The following MAP2K5 variants were observed in gnomAD, a reference collection of about 807,000 sequenced individuals.
The protein encoded by MAP2K5 is dual specificity mitogen-activated protein kinase kinase 5.
A neutral mutation model predicts 83.1 loss-of-function variants in MAP2K5; 49 were observed. The ratio of observed to expected loss-of-function variants is 0.59; its 90% CI spans 0.47 to 0.75. MAP2K5 has a LOEUF of 0.75. Ranked by LOEUF, MAP2K5 falls within the 30% of genes least tolerant of loss-of-function variation. MAP2K5 has a pLI of 0.00. For synonymous variants in MAP2K5, 202 were observed against 191.8 expected, an observed-to-expected ratio of 1.05 and a Z score of -0.44; for missense variants, 457 against 557.5, an observed-to-expected ratio of 0.82 and a Z score of 1.82.
At chr15:67,670,787 G>C (rs1178143993) in intron 13 of MAP2K5, among the ~76,000 whole-genome samples, 3 of 152,000 alleles carry the variant, frequency 2.0e-5, no homozygotes, top group Non-Finnish European at 4.4e-5. Context: ...GAGAGAGACA[G>C]GGTCAGGGAA....
At chr15:67,602,414 C>A (rs546764207) in intron 8 of MAP2K5, among the ~76,000 whole-genome samples, 1 of 152,204 alleles carries the variant, frequency 6.6e-6, no homozygotes, top group Admixed American at 6.5e-5. Context: ...TCTTTGTATT[C>A]CTTTTATTTG....
chr15:67,645,015 G>A lies in MAP2K5; in HGVS notation c.586-1216G>A, dbSNP rs532042913. On this transcript the variant is annotated intron_variant, in intron 9 of 21. Transcript: ENST00000178640. ...ATACAAAAATTAGCCAGGTGTGGTG[G>A]CAGACACCTGTAATCCCAGCTACTC... is the stretch of plus-strand genomic sequence containing the variant. Among the ~76,000 whole-genome samples the A allele has an allele frequency of 1.6e-4, 24 of 151,782 alleles. No homozygotes were observed. The South Asian group carries it at 5.0e-3, about 32-fold the overall frequency.
At chr15:67,721,186 TG>T (rs1423436040) in intron 16 of MAP2K5, among the ~76,000 whole-genome samples, 1 of 152,182 alleles carries the variant, frequency 6.6e-6, no homozygotes, top group Non-Finnish European at 1.5e-5. Flanking sequence ...TGTGCAGGTT[TG>T]TTAAGAAGTA....
In MAP2K5 at chr15:67,559,175, A is replaced by T. The variant is rs1294824474; in HGVS notation, c.185-4108A>T. Among the ~76,000 whole-genome samples, 1 of 152,204 alleles carries T rather than the reference A, an allele frequency of 6.6e-6. No homozygotes were observed. The highest frequency in any genetic ancestry group is 6.5e-5 in the Admixed American group (1 of 15,286). ...TTCATTTCTTTTCTCTTACCTGGGA[A>T]AAGTGCCTTTGCAGTAGTTCTAATT... On this transcript the variant is annotated intron_variant, in intron 2 of 21. Transcript: ENST00000178640. The surrounding 1 kb of genome is among the most constrained non-coding windows in gnomAD (Gnocchi z 4.7).
At position 67,779,905 on chromosome 15, in the gene MAP2K5, C is replaced by T. The variant is rs2090300676; in HGVS notation, c.1242+7153C>T. Among the ~76,000 whole-genome samples, 1 of 152,158 alleles carries T rather than the reference C, an allele frequency of 6.6e-6. No homozygotes were observed. The highest frequency in any genetic ancestry group is 2.1e-4 in the South Asian group (1 of 4,830). ...AGGTGGGTCTTTAAAGTATGTTACA[C>T]TTTAGTTCCTCATTGGCCATGACTC... On this transcript the variant is annotated intron_variant, in intron 21 of 21. Coordinates refer to ENST00000178640, the MANE Select transcript of MAP2K5 (RefSeq NM_145160.3). The surrounding 1 kb of genome is among the most constrained non-coding windows in gnomAD (Gnocchi z 4.6).
In MAP2K5 at chr15:67,750,682, C is replaced by G. The variant is rs1178914645; in HGVS notation, c.1134+2081C>G. On this transcript the variant is annotated intron_variant, in intron 19 of 21. Coordinates refer to ENST00000178640, the MANE Select transcript of MAP2K5 (RefSeq NM_145160.3). The surrounding 1 kb of genome is among the most constrained non-coding windows in gnomAD (Gnocchi z 4.2). ...CATTATAAGTTTGAAAACCACTTCTCAAACTTCCCTAACTGCTTGCCAGGG... is the reference window on the plus strand; with the variant it reads ...CATTATAAGTTTGAAAACCACTTCTGAAACTTCCCTAACTGCTTGCCAGGG... Among the ~76,000 whole-genome samples the G allele has an allele frequency of 6.6e-6, 1 of 152,202 alleles. No individual in the cohort carries two copies. Among genetic ancestry groups the G allele is most frequent in the Non-Finnish European group, 1.5e-5 (1 of 68,038 alleles).
At chr15:67,751,132 A>C (rs138812764) in intron 19 of MAP2K5, among the ~76,000 whole-genome samples, 2 of 152,170 alleles carry the variant, frequency 1.3e-5, no homozygotes, top group East Asian at 3.9e-4. Flanking sequence ...TCTGGGAGTC[A>C]GGAGGTGGAA....
intron 17 of MAP2K5, among the ~76,000 whole-genome samples, chr15:67,743,958 T>C (rs2089549388): frequency 6.6e-6 from 1 of 152,198 alleles, no homozygotes; most frequent in Non-Finnish European, 1.5e-5. Flanking sequence ...CCAAAGTTCA[T>C]GCGTTTTCCT....
At chr15:67,549,226 T>C in intron 1 of MAP2K5, 5 of 1,511,152 alleles carry the variant, frequency 3.3e-6, no homozygotes, top group Non-Finnish European at 4.4e-6. Context: ...TCTATGCTTA[T>C]TCAATTAAGC....
Position 67,714,779 on chromosome 15 carries a change from T to C in MAP2K5, c.1044+11371T>C, listed in dbSNP as rs189757173. On this transcript the variant is annotated intron_variant, in intron 16 of 21. Transcript: ENST00000178640. Reference sequence around the variant, plus strand: ...AATTTTTTGAGCACTAACTTGAACCTCAAAGGTCACACTAATGGGAGCATT... The same window carrying C: ...AATTTTTTGAGCACTAACTTGAACCCCAAAGGTCACACTAATGGGAGCATT... Among the ~76,000 whole-genome samples, 43 of 152,308 alleles carry C rather than the reference T, an allele frequency of 2.8e-4. 1 individual carries two copies. Among genetic ancestry groups the C allele is most frequent in the Admixed American group, 1.0e-3 (16 of 15,296 alleles).
chr15:67,753,442 G>C (rs2089766067), intron 19 of MAP2K5, among the ~76,000 whole-genome samples: 1 of 152,130 alleles, frequency 6.6e-6, no homozygotes, highest in Non-Finnish European at 1.5e-5. Flanking sequence ...TCATATATCT[G>C]ATAAAGTCCT....
rs2088895329 is a variant in MAP2K5, at chr15:67,719,099, C to T, written c.1045-8817C>T. ...TGGTAACCATCATTCTACTGTCTAT[C>T]TCCATGAGTTCAATTCATTTAATTC... On this transcript the variant is annotated intron_variant, in intron 16 of 21. Transcript: ENST00000178640. The surrounding 1 kb of genome is among the most constrained non-coding windows in gnomAD (Gnocchi z 4.6). 6.6e-6 allele frequency among the ~76,000 whole-genome samples: 1 copy of T among 152,148 alleles called. No individual in the cohort carries two copies.
intron 3 of MAP2K5, among the ~76,000 whole-genome samples, chr15:67,568,149 T>C (rs2084879680): frequency 6.6e-6 from 1 of 152,172 alleles, no homozygotes; most frequent in African/African-American, 2.4e-5. Flanking sequence ...TTTTCCCACA[T>C]TGCCAGGAGA....
chr15:67,709,310 A>G (rs527856463), intron 16 of MAP2K5, among the ~76,000 whole-genome samples: 1 of 152,340 alleles, frequency 6.6e-6, no homozygotes, highest in South Asian at 2.1e-4. Context: ...AATAAAAAAG[A>G]AGTGAGACCC....
chr15:67,767,503 AGCTTC>A (rs1402536485), intron 19 of MAP2K5, among the ~76,000 whole-genome samples: 4 of 152,220 alleles, frequency 2.6e-5, no homozygotes, highest in Non-Finnish European at 4.4e-5. Flanking sequence ...GACTTAGAGA[AGCTTC>A]CTCACTGATC....
intron 2 of MAP2K5, among the ~76,000 whole-genome samples, chr15:67,553,917 C>T (rs2084566894): frequency 4.7e-5 from 1 of 21,130 alleles, no homozygotes; most frequent in African/African-American, 1.9e-4. Context: ...GAGACTCCAT[C>T]TCAAAAAAAA....
intron 13 of MAP2K5, among the ~76,000 whole-genome samples, chr15:67,669,024 C>T (rs2087458086): frequency 6.6e-6 from 1 of 152,232 alleles, no homozygotes; most frequent in East Asian, 1.9e-4. Context: ...ATTTTATTTT[C>T]TACCCTTGGC....
Position 67,768,020 on chromosome 15 carries a change from G to T in MAP2K5, c.1135-1582G>T, listed in dbSNP as rs1418842790. On this transcript the variant is annotated intron_variant, in intron 19 of 21. Transcript: ENST00000178640. This position sits in a 1 kb window ranked among gnomAD's most constrained non-coding sequence, Gnocchi z 4.0. Reference sequence around the variant, plus strand: ...ATATGCAAAAACCAAGAAACATTTTGTTCATGTTTCTTTTCTTGTAGCCTC... The same window carrying T: ...ATATGCAAAAACCAAGAAACATTTTTTTCATGTTTCTTTTCTTGTAGCCTC... Among the ~76,000 whole-genome samples, 1 of 152,052 alleles carries T rather than the reference G, an allele frequency of 6.6e-6. No individual in the cohort carries two copies. Among genetic ancestry groups the T allele is most frequent in the Non-Finnish European group, 1.5e-5 (1 of 67,984 alleles).
chr15:67,769,524 C>T lies in MAP2K5; in HGVS notation c.1135-78C>T. 7.8e-7 allele frequency: 1 copy of T among 1,279,830 alleles called. No individual in the cohort carries two copies. Among genetic ancestry groups the T allele is most frequent in the Non-Finnish European group, 1.1e-6 (1 of 879,784 alleles). 79.3% of individuals were successfully genotyped at this position (1,279,830 alleles called of 1,614,324 possible). A position where few individuals can be genotyped will look rare whatever the true frequency, so the allele number is the denominator to read the frequency against. ...TGTATTCATCTTTATACTCATCCTTCACATGGGTGGGTGGGGAATATAAAG... is the reference window on the plus strand; with the variant it reads ...TGTATTCATCTTTATACTCATCCTTTACATGGGTGGGTGGGGAATATAAAG... On this transcript the variant is annotated intron_variant, in intron 19 of 21. Transcript: ENST00000178640. The surrounding 1 kb of genome is among the most constrained non-coding windows in gnomAD (Gnocchi z 5.2).
Sources: allele counts gnomAD v4.1 joint callset (sites outside exome capture counted in the v4.1 genomes callset), GRCh38; gene constraint gnomAD v4.1.1; non-coding constraint Gnocchi (gnomAD v3.1); transcripts MANE v1.5; gene names NCBI Gene and HGNC (gene_info 2026-07-23, HGNC 2026-07-21).